The following ASPA variants were observed in gnomAD, a reference collection of about 807,000 sequenced individuals.
ASPA encodes the protein ACY-2.
ASPA carries 25 observed loss-of-function variants against 29.6 expected under a neutral mutation model. That is an observed-to-expected ratio of 0.85 (90% CI 0.62 to 1.18). The LOEUF is 1.18. Among genes scored for constraint, ASPA ranks in the 50% most tolerant of loss-of-function variants. The pLI, the probability that ASPA is intolerant of heterozygous loss-of-function variation, is 0.00. For synonymous variants in ASPA, 131 were observed against 130.3 expected (o/e 1.01, Z -0.04); for missense variants, 333 against 385.7 (o/e 0.86, Z 1.14).
upstream of ASPA, chr17:3,475,869 A>C (rs1287561903): frequency 7.0e-6 from 3 of 427,390 alleles, no homozygotes; most frequent in Non-Finnish European, 8.6e-6. Flanking sequence ...CTGTATTTAG[A>C]TCTACTGACC....
Position 3,498,995 on chromosome 17 carries a change from G to A in ASPA, c.849G>A (p.Val283=). ...ACTGTACCGTGTACCCCGTGTTTGT[G>A]AATGAGGCCGCATATTACGAAAAGA... ...GGDCTVYPVF[V]NEAAYYEKKE... Residue 283 remains valine, a synonymous_variant, in exon 6 of 6, where the codon GTG becomes GTA. Transcript: ENST00000263080. The A allele has an allele frequency of 6.2e-7, 1 of 1,614,212 alleles. No individual in the cohort carries two copies. Among genetic ancestry groups the A allele is most frequent in the Non-Finnish European group, 8.5e-7 (1 of 1,180,030 alleles).
chr17:3,476,442 G>C (rs753470713), intron 1 of ASPA, 47 bp downstream of exon 1: 5 of 1,560,942 alleles, frequency 3.2e-6, no homozygotes, highest in Non-Finnish European at 4.4e-6. Flanking sequence ...TGTGTGAAAA[G>C]TGGTAGGTGT....
chr17:3,486,047 C>A (rs2073715299), intron 3 of ASPA, among the ~76,000 whole-genome samples: 1 of 151,954 alleles, frequency 6.6e-6, no homozygotes, highest in Non-Finnish European at 1.5e-5. Flanking sequence ...ATTCTCCTGC[C>A]TCAGCCTCCT....
At chr17:3,495,489 C>T (rs1039889690) in intron 5 of ASPA, among the ~76,000 whole-genome samples, 1 of 152,240 alleles carries the variant, frequency 6.6e-6, no homozygotes, top group Non-Finnish European at 1.5e-5. Context: ...GAAGCAAATC[C>T]TGCTTTGTGG....
chr17:3,483,349 T>C (rs2073666682), intron 2 of ASPA, 150 bp from the exon 3 acceptor site: 1 of 696,638 alleles, frequency 1.4e-6, no homozygotes, highest in Non-Finnish European at 2.6e-6. Flanking sequence ...AAAGCTATAA[T>C]ACCATTGGGT....
chr17:3,479,700 C>T (rs1161319375), intron 1 of ASPA, among the ~76,000 whole-genome samples: 1 of 152,120 alleles, frequency 6.6e-6, no homozygotes, highest in Non-Finnish European at 1.5e-5. Flanking sequence ...CCGGCTTTGT[C>T]CTCATGGTTT....
chr17:3,496,576 G>C (rs756078422), intron 5 of ASPA, among the ~76,000 whole-genome samples: 2 of 152,102 alleles, frequency 1.3e-5, no homozygotes, highest in Non-Finnish European at 2.9e-5. Flanking sequence ...AGCAGAGGAC[G>C]GTAGAGCCTG....
chr17:3,489,032 C>A (rs1410051962), intron 3 of ASPA, among the ~76,000 whole-genome samples: 1 of 152,192 alleles, frequency 6.6e-6, no homozygotes, highest in East Asian at 1.9e-4. Flanking sequence ...TCTTTATTCA[C>A]TATGCATCTA....
upstream of ASPA, among the ~76,000 whole-genome samples, chr17:3,474,494 T>C (rs2073492958): frequency 1.3e-5 from 2 of 152,240 alleles, no homozygotes; most frequent in Admixed American, 1.3e-4. Flanking sequence ...TGTCATCTGT[T>C]TACTTTTACG....
At chr17:3,480,395 C>T (rs1279978324) in intron 1 of ASPA, among the ~76,000 whole-genome samples, 4 of 152,166 alleles carry the variant, frequency 2.6e-5, no homozygotes, top group African/African-American at 7.2e-5. Flanking sequence ...GCCAGTGAGT[C>T]GGGAGTGCTG....
Position 3,488,913 on chromosome 17 carries a change from A to G in ASPA, c.527-322A>G, listed in dbSNP as rs3744670. ...CATAAACTTGTTCACCTTTTTTACT[A>G]TGTTATGACTTTTAAATATTTTAGC... is the stretch of plus-strand genomic sequence containing the variant. On this transcript the variant is annotated intron_variant, in intron 3 of 5. Transcript: ENST00000263080. This position sits in a 1 kb window ranked among gnomAD's most constrained non-coding sequence, Gnocchi z 6.1. Among the ~76,000 whole-genome samples the G allele has an allele frequency of 0.041, 6,308 of 152,096 alleles. 197 individuals carry two copies. The highest frequency in any genetic ancestry group is 0.11 in the East Asian group (574 of 5,168).
chr17:3,487,645 C>T (rs1355743843), intron 3 of ASPA, among the ~76,000 whole-genome samples: 1 of 152,136 alleles, frequency 6.6e-6, no homozygotes, highest in Non-Finnish European at 1.5e-5. Flanking sequence ...TACTCTAATT[C>T]CTTACTTCAA....
rs1037623869 is a variant in ASPA, at chr17:3,500,635, T to A, written c.*1547T>A. The A allele has an allele frequency of 3.9e-5, 6 of 152,318 alleles. No individual in the cohort carries two copies. Among genetic ancestry groups the A allele is most frequent in the African/African-American group, 1.4e-4 (6 of 41,418 alleles). The allele number at this position is 152,318 out of a possible 1,614,324, so 9.4% of individuals were successfully genotyped here. A position where few individuals can be genotyped will look rare whatever the true frequency, so the allele number is the denominator to read the frequency against. ...CTCCTGCCTCAGCCTCCCCAGTAGC[T>A]GAGATTACAGGTGCCTGCCACCACG... is the stretch of plus-strand genomic sequence containing the variant. On this transcript the variant is annotated 3_prime_UTR_variant, in exon 6 of 6. Coordinates refer to ENST00000263080, the MANE Select transcript of ASPA (RefSeq NM_000049.4).
rs1478482661 is a variant in ASPA at position 3,485,962 on chromosome 17, C to T, written c.526+2370C>T. Among the ~76,000 whole-genome samples the T allele has an allele frequency of 3.6e-5, 5 of 140,178 alleles. No homozygotes were observed. The highest frequency in any genetic ancestry group is 8.1e-5 in the African/African-American group (3 of 37,236). The allele number at this position is 140,178 out of a possible 152,430, so 92.0% of individuals were successfully genotyped here. On this transcript the variant is annotated intron_variant, in intron 3 of 5. Transcript: ENST00000263080. The surrounding 1 kb of genome is among the most constrained non-coding windows in gnomAD (Gnocchi z 4.4). ...TTTTTTTTTTTTTGAGACGGAGTTT[C>T]GCTCTTGTTGCCAAGGCTGGAGTAC...
chr17:3,482,802 T>C (rs1036577544), intron 2 of ASPA, among the ~76,000 whole-genome samples: 1 of 146,500 alleles, frequency 6.8e-6, no homozygotes, highest in African/African-American at 2.4e-5. Flanking sequence ...ATTTTATTAC[T>C]ATTATACTTT....
At position 3,494,352 on chromosome 17, in the gene ASPA, A is replaced by G. The variant is rs528179434; in HGVS notation, c.637A>G (p.Lys213Glu). The G allele has an allele frequency of 1.1e-4, 179 of 1,605,666 alleles. No homozygotes were observed. In the South Asian group the frequency reaches 1.8e-3, roughly 16 times the overall value. The change falls in exon 5 of 6, where the codon AAA becomes GAA. Residue 213 changes from lysine (K) to glutamate (E), a missense_variant and splice_region_variant. Lys to Glu is a moderately conservative substitution (Grantham distance 56). Coordinates refer to ENST00000263080, the MANE Select transcript of ASPA (RefSeq NM_000049.4). The stretch of plus-strand genomic sequence containing the variant: ...GATACATATTGTTTTTGTCATAGGA[A>G]AAGAATTTCCTCCCTGCGCCATTGA... ...LDFIHHFNEGKEFPPCAIEVY... is the reference protein window; with the variant it reads ...LDFIHHFNEGEEFPPCAIEVY...
chr17:3,493,600 C>T (rs7215891), intron 4 of ASPA, among the ~76,000 whole-genome samples: 33,724 of 146,272 alleles, frequency 0.23, 4,152 homozygotes, highest in Middle Eastern at 0.33. Flanking sequence ...AAAAAGAGCA[C>T]GATACTGAAG....
chr17:3,499,168 C>T lies in ASPA; in HGVS notation c.*80C>T. On this transcript the variant is annotated 3_prime_UTR_variant, in exon 6 of 6. Coordinates refer to ENST00000263080, the MANE Select transcript of ASPA (RefSeq NM_000049.4). ...AAGCTCCTTAAGAGTAGGGTTGTGC[C>T]TTATTCAACTGCATACATAGCTCCT... is the stretch of plus-strand genomic sequence containing the variant. 6.8e-7 allele frequency: 1 copy of T among 1,464,926 alleles called. No homozygotes were observed. Among genetic ancestry groups the T allele is most frequent in the Non-Finnish European group, 9.4e-7 (1 of 1,067,830 alleles). The allele number at this position is 1,464,926 out of a possible 1,614,324, so 90.7% of individuals were successfully genotyped here.
At chr17:3,483,068 A>G (rs962590387) in intron 2 of ASPA, among the ~76,000 whole-genome samples, 1 of 151,676 alleles carries the variant, frequency 6.6e-6, no homozygotes, top group African/African-American at 2.4e-5. Context: ...TTTCATGCAG[A>G]TAAGCAGGAG....
Sources: gnomAD v4.1 joint callset for allele counts (sites outside exome capture counted in the v4.1 genomes callset) on GRCh38, gnomAD v4.1.1 for gene constraint, Gnocchi (gnomAD v3.1) non-coding constraint, MANE v1.5 for transcripts, NCBI Gene and HGNC (gene_info 2026-07-23, HGNC 2026-07-21) for gene names.